Variants in KCNK2 observed in about 807,000 individuals in gnomAD.
KCNK2 encodes potassium channel subfamily K member 2.
A neutral mutation model predicts 40.5 loss-of-function variants in KCNK2; 21 were observed. The ratio of observed to expected loss-of-function variants is 0.52; its 90% CI spans 0.37 to 0.75. KCNK2 has a LOEUF of 0.75. KCNK2 is among the 30% of genes least tolerant of loss of function. The pLI is 0.00. For synonymous variants in KCNK2, 191 were observed against 202.2 expected (o/e 0.94, Z 0.47); for missense variants, 399 against 531.6 (o/e 0.75, Z 2.45).
At chr1:215,127,617 C>A (rs185031698) in intron 3 of KCNK2, among the ~76,000 whole-genome samples, 38 of 152,274 alleles carry the variant, frequency 2.5e-4, no homozygotes, top group Non-Finnish European at 5.3e-4. Flanking sequence ...ATTGCAGAAA[C>A]CTTCTGTTCA....
intron 3 of KCNK2, among the ~76,000 whole-genome samples, chr1:215,148,908 A>T (rs2102609996): frequency 6.6e-6 from 1 of 152,280 alleles, no homozygotes; most frequent in East Asian, 1.9e-4. Flanking sequence ...ACAACATAAA[A>T]ATGAAGGAAT....
chr1:215,055,789 G>A (rs1380933060), intron 1 of KCNK2, among the ~76,000 whole-genome samples: 4 of 152,174 alleles, frequency 2.6e-5, no homozygotes, highest in Non-Finnish European at 4.4e-5. Context: ...ACCTTTTGAT[G>A]TACTTGAGAA....
chr1:215,102,967 G>T (rs1172199346), intron 2 of KCNK2, among the ~76,000 whole-genome samples: 2 of 151,996 alleles, frequency 1.3e-5, no homozygotes, highest in African/African-American at 4.8e-5. Flanking sequence ...TGACAGTCAT[G>T]CAGTGGCCTG....
intron 6 of KCNK2, among the ~76,000 whole-genome samples, chr1:215,217,676 T>C (rs913248519): frequency 5.9e-4 from 90 of 152,342 alleles, no homozygotes; most frequent in African/African-American, 2.1e-3. Context: ...CTTCTTGGAA[T>C]AGAATTTCCA....
At chr1:215,209,461 T>TAGATATAATATATATA (rs1665508834) in intron 6 of KCNK2, among the ~76,000 whole-genome samples, 1 of 2,234 alleles carries the variant, frequency 4.5e-4, no homozygotes, top group Non-Finnish European at 1.5e-3. Flanking sequence ...TATTATATAT[T>TAGATATAATATATATA]ATATATAATA....
chr1:215,064,735 C>T (rs767657450), intron 1 of KCNK2, among the ~76,000 whole-genome samples: 11 of 152,270 alleles, frequency 7.2e-5, no homozygotes, highest in East Asian at 1.9e-4. Context: ...TTTTCTTTAA[C>T]GTCAAGGCCA....
chr1:215,204,778 G>A (rs1665242522), intron 6 of KCNK2, among the ~76,000 whole-genome samples: 1 of 152,164 alleles, frequency 6.6e-6, no homozygotes, highest in Admixed American at 6.5e-5. Flanking sequence ...TTTTCTAAAT[G>A]AATATTAGCT....
intron 3 of KCNK2, among the ~76,000 whole-genome samples, chr1:215,168,912 AAATAAT>A (rs959723585): frequency 6.6e-6 from 1 of 152,296 alleles, no homozygotes; most frequent in East Asian, 1.9e-4. Flanking sequence ...GATTTTGAAA[AAATAAT>A]AATGATAATG....
intron 1 of KCNK2, among the ~76,000 whole-genome samples, chr1:215,033,784 G>A (rs1469287993): frequency 6.6e-6 from 1 of 152,146 alleles, no homozygotes; most frequent in African/African-American, 2.4e-5. Flanking sequence ...TCTCCTGAGG[G>A]CAGATCTTCC....
chr1:215,018,999 A>AC lies in KCNK2; in HGVS notation c.34+13044_34+13045insC, dbSNP rs541182638. Among the ~76,000 whole-genome samples, 74 of 20,606 alleles carry AC rather than the reference A, an allele frequency of 3.6e-3. No homozygotes were observed. The East Asian group carries it at 0.039, about 11-fold the overall frequency. The allele number at this position is 20,606 out of a possible 152,430, so 13.5% of individuals were successfully genotyped here. ...TCTCTCTCAACACACACACACACACAAAAAAAAAACCATCTAAGAAAGACC... is the reference window on the plus strand; with the variant it reads ...TCTCTCTCAACACACACACACACACACAAAAAAAAACCATCTAAGAAAGACC... On this transcript the variant is annotated intron_variant, in intron 1 of 6. Transcript: ENST00000391895.
chr1:215,023,898 C>G (rs541713423), intron 1 of KCNK2, among the ~76,000 whole-genome samples: 2 of 152,298 alleles, frequency 1.3e-5, no homozygotes, highest in South Asian at 4.1e-4. Context: ...CTCCACTTCA[C>G]CTTGCTGCCT....
At chr1:215,176,125 A>T (rs1000312111) in intron 5 of KCNK2, among the ~76,000 whole-genome samples, 1 of 152,114 alleles carries the variant, frequency 6.6e-6, no homozygotes, top group African/African-American at 2.4e-5. Flanking sequence ...GTGTGTAAGC[A>T]TTCTCTTTTC....
chr1:215,213,229 A>G (rs76194490), intron 6 of KCNK2, among the ~76,000 whole-genome samples: 3,056 of 152,296 alleles, frequency 0.02, 90 homozygotes, highest in African/African-American at 0.066. Context: ...GGGGCAGGGT[A>G]ATGGTTTTTT....
intron 1 of KCNK2, among the ~76,000 whole-genome samples, chr1:215,044,802 T>C (rs1657691499): frequency 2.1e-5 from 1 of 47,106 alleles, no homozygotes. Flanking sequence ...TGTATGTGTG[T>C]GTGTGTGTGT....
intron 6 of KCNK2, among the ~76,000 whole-genome samples, chr1:215,215,917 CTTA>C (rs1036340644): frequency 3.9e-5 from 6 of 152,146 alleles, no homozygotes; most frequent in Admixed American, 1.3e-4. Context: ...TCCATTGTCC[CTTA>C]TTTTATTTTC....
chr1:215,201,703 TATTGGGAGG>T (rs1665086610), intron 6 of KCNK2, among the ~76,000 whole-genome samples: 1 of 152,156 alleles, frequency 6.6e-6, no homozygotes, highest in Admixed American at 6.5e-5. Context: ...TCCATCTCTT[TATTGGGAGG>T]ATTGCGTAGG....
At chr1:215,016,690 A>T (rs917474166) in intron 1 of KCNK2, among the ~76,000 whole-genome samples, 5 of 152,210 alleles carry the variant, frequency 3.3e-5, no homozygotes, top group African/African-American at 1.2e-4. Context: ...ATTGGTCTGG[A>T]CAATGTTTTG....
rs1558054138 is a variant in KCNK2, at chr1:215,007,163, A to ATG, written c.34+1209_34+1210insGT. ...TATATGTGTATATATATATGTATGTATATATATATGTATGTGTGTGGGTAT... is the reference window on the plus strand; with the variant it reads ...TATATGTGTATATATATATGTATGTATGTATATATATGTATGTGTGTGGGTAT... On this transcript the variant is annotated intron_variant, in intron 1 of 6. Coordinates refer to the KCNK2 transcript ENST00000391895. Among the ~76,000 whole-genome samples the ATG allele has an allele frequency of 6.5e-5, 7 of 107,106 alleles. 1 individual carries two copies. Among genetic ancestry groups the ATG allele is most frequent in the African/African-American group, 3.1e-4 (7 of 22,734 alleles). The allele number at this position is 107,106 out of a possible 152,430, so 70.3% of individuals were successfully genotyped here.
chr1:215,164,360 CA>C (rs1663347768), intron 3 of KCNK2, among the ~76,000 whole-genome samples: 1 of 151,988 alleles, frequency 6.6e-6, no homozygotes, highest in Non-Finnish European at 1.5e-5. Context: ...TCTTTTCAAA[CA>C]ACCACCTCCT....
Sources: allele counts gnomAD v4.1 joint callset (sites outside exome capture counted in the v4.1 genomes callset), GRCh38; gene constraint gnomAD v4.1.1; transcripts MANE v1.5; gene names NCBI Gene and HGNC (gene_info 2026-07-23, HGNC 2026-07-21).